GLIS3: variants seen among roughly 807,000 people sequenced by gnomAD.
The protein encoded by GLIS3 is GLIS family zinc finger 3, also known as zinc finger protein GLIS3.
Under a neutral mutation model 78.6 loss-of-function variants are expected in GLIS3, and 53 were observed. The ratio of observed to expected loss-of-function variants is 0.67; its 90% CI spans 0.54 to 0.85. The LOEUF (loss-of-function observed/expected upper bound fraction) is 0.85. Among genes scored for constraint, GLIS3 ranks in the 40% least tolerant of loss-of-function variants. The pLI is 0.00. For synonymous variants in GLIS3, 684 were observed against 509.9 expected (o/e 1.34, Z -4.60); for missense variants, 1,703 against 1,231.1 (o/e 1.38, Z -5.74).
At chr9:4,342,923 C>T (rs1817855511) in intron 2 of GLIS3, among the ~76,000 whole-genome samples, 1 of 152,132 alleles carries the variant, frequency 6.6e-6, no homozygotes, top group Non-Finnish European at 1.5e-5. Context: ...AGAAATGCTA[C>T]TGATTTTTGT....
At chr9:4,488,919 C>T in the GLIS3 span, among the ~76,000 whole-genome samples, 2 of 151,670 alleles carry the variant, frequency 1.3e-5, no homozygotes, top group East Asian at 3.9e-4. Context: ...TAGGCTGGAG[C>T]GCAGTGGCTT....
At chr9:4,449,644 T>C in the GLIS3 span, among the ~76,000 whole-genome samples, 1 of 152,180 alleles carries the variant, frequency 6.6e-6, no homozygotes, top group Non-Finnish European at 1.5e-5. Flanking sequence ...GGCAGTATTA[T>C]TTACTGTTCT....
At chr9:4,428,914 C>A in the GLIS3 span, among the ~76,000 whole-genome samples, 1 of 152,116 alleles carries the variant, frequency 6.6e-6, no homozygotes, top group South Asian at 2.1e-4. Flanking sequence ...CCTGACACCC[C>A]CATACCAATT....
At chr9:4,234,402 C>T (rs756416154) in intron 2 of GLIS3, among the ~76,000 whole-genome samples, 1 of 152,058 alleles carries the variant, frequency 6.6e-6, no homozygotes, top group Non-Finnish European at 1.5e-5. Flanking sequence ...TACAAGAGCA[C>T]AAGGAGAGGG....
intron 7 of GLIS3, among the ~76,000 whole-genome samples, chr9:3,881,043 TAG>T (rs1249569052): frequency 2.0e-5 from 3 of 152,198 alleles, no homozygotes; most frequent in South Asian, 4.1e-4. Flanking sequence ...GCAAACTCAC[TAG>T]AGTCACCTTA....
the GLIS3 span, among the ~76,000 whole-genome samples, chr9:4,433,587 T>A: frequency 6.6e-6 from 1 of 152,174 alleles, no homozygotes; most frequent in Non-Finnish European, 1.5e-5. Flanking sequence ...ATTTGGATAC[T>A]GAGAAATGAT....
intron 2 of GLIS3, among the ~76,000 whole-genome samples, chr9:4,326,652 G>A (rs541082313): frequency 6.6e-6 from 1 of 151,992 alleles, no homozygotes; most frequent in South Asian, 2.1e-4. Flanking sequence ...TGTTCTTAAC[G>A]TCATGAAACT....
chr9:4,219,547 C>A (rs895763634), intron 2 of GLIS3, among the ~76,000 whole-genome samples: 7 of 152,190 alleles, frequency 4.6e-5, no homozygotes, highest in Non-Finnish European at 1.0e-4. Context: ...CCAAACCCAG[C>A]AATCTCAAAC....
At chr9:4,314,821 G>A (rs1229418560) in intron 2 of GLIS3, among the ~76,000 whole-genome samples, 2 of 152,192 alleles carry the variant, frequency 1.3e-5, no homozygotes, top group Admixed American at 1.3e-4. Context: ...GGGCTGTAGG[G>A]AGAATGGATG....
intron 9 of GLIS3, among the ~76,000 whole-genome samples, chr9:3,844,392 G>A (rs1356979290): frequency 2.0e-5 from 3 of 152,142 alleles, no homozygotes; most frequent in Non-Finnish European, 4.4e-5. Flanking sequence ...ACAGAGGAAC[G>A]CCTAGAATAG....
intron 4 of GLIS3, among the ~76,000 whole-genome samples, chr9:3,967,066 T>G (rs1241085796): frequency 7.4e-6 from 1 of 134,514 alleles, no homozygotes; most frequent in Non-Finnish European, 1.6e-5. Flanking sequence ...CTCAATCAGG[T>G]ACATGATTGA....
intron 2 of GLIS3, among the ~76,000 whole-genome samples, chr9:4,246,549 A>C (rs7047971): frequency 6.6e-6 from 1 of 152,068 alleles, no homozygotes; most frequent in Admixed American, 6.5e-5. Context: ...TTAAAACATA[A>C]GCCGTGAGTA....
chr9:3,937,287 C>T (rs900407080), intron 4 of GLIS3, 98 bp from the exon 5 acceptor site: 40 of 1,211,884 alleles, frequency 3.3e-5, no homozygotes, highest in Middle Eastern at 2.0e-4. Context: ...GGTACTTTGC[C>T]GAAAATGATA....
intron 2 of GLIS3, among the ~76,000 whole-genome samples, chr9:4,339,387 T>C (rs1817800772): frequency 1.3e-5 from 2 of 152,198 alleles, no homozygotes; most frequent in Non-Finnish European, 2.9e-5. Context: ...CTCTACTTTT[T>C]AATTTGCTCC....
the GLIS3 span, among the ~76,000 whole-genome samples, chr9:4,454,250 C>A: frequency 2.0e-5 from 3 of 152,014 alleles, no homozygotes; most frequent in Non-Finnish European, 4.4e-5. Context: ...AGGGATCCTC[C>A]TGCCTTGGCC....
the GLIS3 span, among the ~76,000 whole-genome samples, chr9:4,414,306 T>G: frequency 6.6e-6 from 1 of 152,218 alleles, no homozygotes; most frequent in Non-Finnish European, 1.5e-5. Flanking sequence ...GCAAAACATG[T>G]ATGGCCCAGA....
chr9:3,848,234 C>G (rs1198612372), intron 9 of GLIS3, among the ~76,000 whole-genome samples: 1 of 152,192 alleles, frequency 6.6e-6, no homozygotes, highest in Non-Finnish European at 1.5e-5. Flanking sequence ...GGCATGGTGG[C>G]TCATGCCTGT....
chr9:4,133,205 C>T (rs1419724674), intron 2 of GLIS3, among the ~76,000 whole-genome samples: 1 of 152,108 alleles, frequency 6.6e-6, no homozygotes, highest in Non-Finnish European at 1.5e-5. Context: ...TTGCAGATTC[C>T]ATGTCCTTCA....
chr9:4,420,912 T>C, the GLIS3 span, among the ~76,000 whole-genome samples: 2 of 152,202 alleles, frequency 1.3e-5, no homozygotes, highest in East Asian at 1.9e-4. Context: ...CATTAAGAAA[T>C]AGAGCCTTCA....
Sources: gnomAD v4.1 joint callset for allele counts (sites outside exome capture counted in the v4.1 genomes callset) on GRCh38, gnomAD v4.1.1 for gene constraint, MANE v1.5 for transcripts, NCBI Gene and HGNC (gene_info 2026-07-23, HGNC 2026-07-21) for gene names.